FBXO25: variants seen among roughly 807,000 people sequenced by gnomAD.
The protein encoded by FBXO25 is F-box only protein 25.
Under a neutral mutation model 51.9 loss-of-function variants are expected in FBXO25, and 45 were observed. The ratio of observed to expected loss-of-function variants is 0.87; its 90% CI spans 0.68 to 1.11. The LOEUF is 1.11. Ranked by LOEUF, FBXO25 falls within the 50% of genes most tolerant of loss-of-function variation. The pLI, the probability that FBXO25 is intolerant of heterozygous loss-of-function variation, is 0.00. For synonymous variants in FBXO25, 199 were observed against 151.0 expected, an observed-to-expected ratio of 1.32 and a Z score of -2.33; for missense variants, 507 against 428.5, an observed-to-expected ratio of 1.18 and a Z score of -1.62.
chr8:459,875 T>C (rs556262966), intron 8 of FBXO25, among the ~76,000 whole-genome samples: 3 of 152,274 alleles, frequency 2.0e-5, no homozygotes, highest in East Asian at 1.9e-4. Context: ...GAGAGATTAA[T>C]AGGACAAAGA....
intron 8 of FBXO25, 105 bp from the exon 9 acceptor site, chr8:462,902 A>T (rs1401202702): frequency 9.0e-6 from 12 of 1,340,072 alleles, no homozygotes; most frequent in Non-Finnish European, 1.2e-5. Context: ...ATTGAAGTTT[A>T]AAAAAAGAAA....
chr8:441,832 T>A (rs1487784845), intron 5 of FBXO25, among the ~76,000 whole-genome samples: 1 of 152,204 alleles, frequency 6.6e-6, no homozygotes, highest in Non-Finnish European at 1.5e-5. Flanking sequence ...CCAGTTAGGA[T>A]GGCTATCATT....
At chr8:419,766 ACC>A (rs1301352346) in intron 2 of FBXO25, among the ~76,000 whole-genome samples, 3 of 152,108 alleles carry the variant, frequency 2.0e-5, no homozygotes, top group Non-Finnish European at 4.4e-5. Flanking sequence ...TAGATACGAT[ACC>A]AAAAGCACAT....
chr8:452,569 G>C (rs1192920548), intron 7 of FBXO25, among the ~76,000 whole-genome samples: 1 of 152,234 alleles, frequency 6.6e-6, no homozygotes, highest in Non-Finnish European at 1.5e-5. Context: ...GTGATGTTCA[G>C]CAGGTGACCT....
rs1563105982 is a variant in FBXO25, at chr8:471,557, C to CCAT, written c.*2755_*2757dup. The CCAT allele has an allele frequency of 1.3e-5, 2 of 152,236 alleles. No individual in the cohort carries two copies. Among genetic ancestry groups the CCAT allele is most frequent in the South Asian group, 4.2e-4 (2 of 4,818 alleles). The allele number at this position is 152,236 out of a possible 1,614,324, so 9.4% of individuals were successfully genotyped here. On this transcript the variant is annotated 3_prime_UTR_variant, in exon 10 of 10. Coordinates refer to ENST00000350302, the MANE Select transcript of FBXO25 (RefSeq NM_183420.2). ...AAGCCAGGTAGTAAGTTTCACTTGC[C>CCAT]CATCGCTCCTGTGAAAGGCAATGCC...
At chr8:438,841 C>G (rs1331027952) in intron 5 of FBXO25, among the ~76,000 whole-genome samples, 3 of 152,210 alleles carry the variant, frequency 2.0e-5, no homozygotes, top group South Asian at 4.1e-4. Context: ...ACCTTGGCCT[C>G]ACCGCCCCCA....
Position 468,753 on chromosome 8 carries a change from C to G in FBXO25, c.1026C>G (p.Ser342Arg). ...GHPCTAADPD[S>R]CFTPVSPQHF... ...CCTGCACGGCGGCCGACCCTGACAG[C>G]TGCTTCACGCCTGTGTCTCCGCAGC... The change falls in exon 10 of 10, where the codon AGC becomes AGG. Residue 342 changes from serine to arginine, a missense_variant. Transcript: ENST00000350302. 1.2e-6 allele frequency: 2 copies of G among 1,614,072 alleles called. No individual in the cohort carries two copies. Among genetic ancestry groups the G allele is most frequent in the Non-Finnish European group, 1.7e-6 (2 of 1,180,026 alleles).
intron 7 of FBXO25, among the ~76,000 whole-genome samples, chr8:454,642 A>T (rs777398249): frequency 1.6e-4 from 24 of 152,206 alleles, no homozygotes; most frequent in Non-Finnish European, 1.0e-4. Flanking sequence ...CAGTAGTCCC[A>T]GCACTTTGGG....
At chr8:467,704 C>A (rs1186187854) in intron 9 of FBXO25, 15 of 1,613,614 alleles carry the variant, frequency 9.3e-6, no homozygotes, top group Admixed American at 1.7e-5. Flanking sequence ...CTGATTCTTT[C>A]TTCATGATCT....
At chr8:440,573 T>C (rs979983408) in intron 5 of FBXO25, among the ~76,000 whole-genome samples, 42 of 152,066 alleles carry the variant, frequency 2.8e-4, no homozygotes, top group African/African-American at 9.4e-4. Flanking sequence ...CTTAAATGCG[T>C]CATATGACTT....
In FBXO25 at chr8:474,048, T is replaced by TG. The variant is rs1800568504; in HGVS notation, c.*5244_*5245insG. 6.6e-6 allele frequency: 1 copy of TG among 152,264 alleles called. No individual in the cohort carries two copies. Among genetic ancestry groups the TG allele is most frequent in the Non-Finnish European group, 1.5e-5 (1 of 68,134 alleles). The allele number at this position is 152,264 out of a possible 1,614,324, so 9.4% of individuals were successfully genotyped here. On this transcript the variant is annotated 3_prime_UTR_variant, in exon 10 of 10. Coordinates refer to ENST00000350302, the MANE Select transcript of FBXO25 (RefSeq NM_183420.2). ...CTACCACGTATCCACAAGTTCAACT[T>TG]TACAAGATGAACTTTTGTCATCTTG...
rs1213113813 is a variant in FBXO25 at position 477,662 on chromosome 8, C to G, written c.*8858C>G. On this transcript the variant is annotated 3_prime_UTR_variant, in exon 10 of 10. Coordinates refer to ENST00000350302, the MANE Select transcript of FBXO25 (RefSeq NM_183420.2). ...TGGTAAAGATTGTTGGCTTTTCCAG[C>G]CATGGGGCTCTCTTGCCACTTGGCA... 1 of 152,266 alleles carries G rather than the reference C, an allele frequency of 6.6e-6. No individual in the cohort carries two copies. Among genetic ancestry groups the G allele is most frequent in the Non-Finnish European group, 1.5e-5 (1 of 68,054 alleles). 9.4% of individuals were successfully genotyped at this position (152,266 alleles called of 1,614,324 possible).
chr8:452,690 C>G (rs1482990986), intron 7 of FBXO25, among the ~76,000 whole-genome samples: 1 of 152,184 alleles, frequency 6.6e-6, no homozygotes, highest in Non-Finnish European at 1.5e-5. Context: ...AGCAGCCTTT[C>G]TTGTCTGGCT....
chr8:475,158 C>A lies in FBXO25; in HGVS notation c.*6354C>A. On this transcript the variant is annotated 3_prime_UTR_variant, in exon 10 of 10. Coordinates refer to ENST00000350302, the MANE Select transcript of FBXO25 (RefSeq NM_183420.2). ...ATATGGTGTGAGGTAGATCTAGCTT[C>A]ATGTGGATGTCCACTTGTCTAGCAC... The A allele has an allele frequency of 2.9e-6, 1 of 347,688 alleles. No individual in the cohort carries two copies. The allele number at this position is 347,688 out of a possible 1,614,324, so 21.5% of individuals were successfully genotyped here. A position where few individuals can be genotyped will look rare whatever the true frequency, so the allele number is the denominator to read the frequency against.
At chr8:467,360 G>C (rs973435352) in intron 9 of FBXO25, among the ~76,000 whole-genome samples, 1 of 152,202 alleles carries the variant, frequency 6.6e-6, no homozygotes, top group Non-Finnish European at 1.5e-5. Flanking sequence ...CTGTTATAAA[G>C]TTTTAATATA....
At chr8:443,673 A>C (rs551772467) in intron 5 of FBXO25, among the ~76,000 whole-genome samples, 47 of 151,572 alleles carry the variant, frequency 3.1e-4, no homozygotes, top group African/African-American at 8.0e-4. Context: ...ATGAGGTTGT[A>C]GTGTGGTGCT....
rs1208772336 is a variant in FBXO25, at chr8:473,517, A to C, written c.*4713A>C. 6.6e-6 allele frequency: 1 copy of C among 152,230 alleles called. No homozygotes were observed. The highest frequency in any genetic ancestry group is 1.5e-5 in the Non-Finnish European group (1 of 68,078). 9.4% of individuals were successfully genotyped at this position (152,230 alleles called of 1,614,324 possible). A position where few individuals can be genotyped will look rare whatever the true frequency, so the allele number is the denominator to read the frequency against. On this transcript the variant is annotated 3_prime_UTR_variant, in exon 10 of 10. Coordinates refer to ENST00000350302, the MANE Select transcript of FBXO25 (RefSeq NM_183420.2). ...ATTGCTTTTCACGTGAATGCCTAGGAGAGGCTGTTAACCCTCCTAGTTGTC... is the reference window on the plus strand; with the variant it reads ...ATTGCTTTTCACGTGAATGCCTAGGCGAGGCTGTTAACCCTCCTAGTTGTC...
At chr8:427,148 C>T (rs1797538284) in intron 2 of FBXO25, among the ~76,000 whole-genome samples, 1 of 151,900 alleles carries the variant, frequency 6.6e-6, no homozygotes, top group South Asian at 2.1e-4. Context: ...CATTGATGAA[C>T]ACAGTGTGAC....
intron 5 of FBXO25, among the ~76,000 whole-genome samples, chr8:439,511 C>T (rs1322608687): frequency 6.6e-6 from 1 of 152,204 alleles, no homozygotes; most frequent in Non-Finnish European, 1.5e-5. Flanking sequence ...CTGTGGTGGA[C>T]CAATTAGATA....
Sources: allele counts gnomAD v4.1 joint callset (sites outside exome capture counted in the v4.1 genomes callset), GRCh38; gene constraint gnomAD v4.1.1; transcripts MANE v1.5; gene names NCBI Gene and HGNC (gene_info 2026-07-23, HGNC 2026-07-21).